Variants in MINK1 observed in about 807,000 individuals in gnomAD.
The protein encoded by MINK1 is misshapen like kinase 1.
Under a neutral mutation model 178.4 loss-of-function variants are expected in MINK1, and 46 were observed. The ratio of observed to expected loss-of-function variants is 0.26; its 90% confidence interval spans 0.20 to 0.33. The LOEUF is 0.33. MINK1 is among the 10% of genes least tolerant of loss of function. MINK1 has a pLI of 1.00. For missense variants in MINK1, 1,366 were observed against 1,814.9 expected, an observed-to-expected ratio of 0.75 and a Z score of 4.49; for synonymous variants, 797 against 709.7, an observed-to-expected ratio of 1.12 and a Z score of -1.96.
At chr17:4,888,690 C>CTTT (rs35392409) in intron 12 of MINK1, among the ~76,000 whole-genome samples, 6 of 87,882 alleles carry the variant, frequency 6.8e-5, no homozygotes, top group Non-Finnish European at 1.1e-4. Context: ...AAAGTCCTAT[C>CTTT]TTTTTTTTTT....
chr17:4,858,296 G>C (rs148010056), intron 1 of MINK1, among the ~76,000 whole-genome samples: 1,572 of 152,048 alleles, frequency 0.01, 24 homozygotes, highest in African/African-American at 0.036. Flanking sequence ...TCATCTGGGA[G>C]GGGGGAGGGC....
intron 1 of MINK1, chr17:4,854,708 C>T (rs972422166): frequency 6.4e-6 from 3 of 471,842 alleles, no homozygotes; most frequent in African/African-American, 5.9e-5. Context: ...GCCTGATTTC[C>T]TCCCCTCCAG....
In MINK1 at chr17:4,897,937, C is replaced by G. The variant is rs1009860660; in HGVS notation, c.*650C>G. ...CAGGGAGCCCTCACTCTCCACGCCC[C>G]TTGCTTGCATCTGTATATAGTGTGA... is the stretch of plus-strand genomic sequence containing the variant. On this transcript the variant is annotated 3_prime_UTR_variant, in exon 32 of 32. Transcript: ENST00000355280. 1 of 152,260 alleles carries G rather than the reference C, an allele frequency of 6.6e-6. No homozygotes were observed. Among genetic ancestry groups the G allele is most frequent in the Admixed American group, 6.6e-5 (1 of 15,260 alleles). 9.4% of individuals were successfully genotyped at this position (152,260 alleles called of 1,614,324 possible).
Position 4,884,386 on chromosome 17 carries a change from T to C in MINK1, c.330T>C (p.Ala110=), listed in dbSNP as rs780147670. ...AGCTGGTGATGGAGTTCTGTGGTGC[T>C]GGTTCAGTGACTGACCTGGTAAAGA... ...QLWLVMEFCG[A]GSVTDLVKNT... Residue 110 remains alanine (A), a synonymous_variant, in exon 5 of 32, where the codon GCT becomes GCC. Coordinates refer to ENST00000355280, the MANE Select transcript of MINK1 (RefSeq NM_153827.5). 3 of 1,613,970 alleles carry C rather than the reference T, an allele frequency of 1.9e-6. No homozygotes were observed. The highest frequency in any genetic ancestry group is 2.5e-6 in the Non-Finnish European group (3 of 1,179,850).
chr17:4,880,373 C>T (rs1475920511), intron 2 of MINK1, among the ~76,000 whole-genome samples: 1 of 149,680 alleles, frequency 6.7e-6, no homozygotes, highest in Non-Finnish European at 1.5e-5. Flanking sequence ...TCTCGGCTTG[C>T]CTCCCAGGTT....
intron 1 of MINK1, among the ~76,000 whole-genome samples, chr17:4,868,202 C>T (rs1402187697): frequency 6.6e-6 from 1 of 152,176 alleles, no homozygotes; most frequent in Non-Finnish European, 1.5e-5. Context: ...GTCTCAAACT[C>T]CTGACCTCAG....
Position 4,892,294 on chromosome 17 carries a change from G to A in MINK1, c.2087+60G>A, listed in dbSNP as rs1283351691. The A allele has an allele frequency of 1.2e-5, 18 of 1,509,612 alleles. No homozygotes were observed. In the South Asian group the frequency reaches 1.8e-4, roughly 15 times the overall value. The allele number at this position is 1,509,612 out of a possible 1,614,324, so 93.5% of individuals were successfully genotyped here. ...CTGAGGGCAGCCTAGGGAGTAGGGG[G>A]GGCACAGGGACTTTACCAGCCTACC... On this transcript the variant is annotated intron_variant, in intron 17 of 31. Coordinates refer to ENST00000355280, the MANE Select transcript of MINK1 (RefSeq NM_153827.5).
At chr17:4,855,784 AAAAG>A (rs937203063) in intron 1 of MINK1, among the ~76,000 whole-genome samples, 14 of 150,504 alleles carry the variant, frequency 9.3e-5, no homozygotes, top group Admixed American at 2.7e-4. Context: ...AAAAAAAAAA[AAAAG>A]AAAGAAACCC....
rs1968311412 is a variant in MINK1 at position 4,887,361 on chromosome 17, G to C, written c.1019+182G>C. Among the ~76,000 whole-genome samples, 1 of 152,156 alleles carries C rather than the reference G, an allele frequency of 6.6e-6. No homozygotes were observed. Among genetic ancestry groups the C allele is most frequent in the Admixed American group, 6.6e-5 (1 of 15,266 alleles). On this transcript the variant is annotated intron_variant, in intron 11 of 31. Coordinates refer to ENST00000355280, the MANE Select transcript of MINK1 (RefSeq NM_153827.5). This position sits in a 1 kb window ranked among gnomAD's most constrained non-coding sequence, Gnocchi z 7.6. ...AATGACTGAGCAAGAGCTGGGGAGA[G>C]AGCAATTTGTGGTGAATGTGGGGCG...
Position 4,889,546 on chromosome 17 carries a change from C to G in MINK1, c.1231-101C>G, listed in dbSNP as rs73341692. The stretch of plus-strand genomic sequence containing the variant: ...AGCGGAAGCCGGTCTCTCTTACCAC[C>G]CTCCGTGGTGAGCAAGGAGGGCTCC... On this transcript the variant is annotated intron_variant, in intron 12 of 31. Transcript: ENST00000355280. 1.7e-3 allele frequency: 1,705 copies of G among 1,021,938 alleles called. 23 individuals are homozygous for G. The African/African-American group carries it at 0.024, about 15-fold the overall frequency. 63.3% of individuals were successfully genotyped at this position (1,021,938 alleles called of 1,614,324 possible). A position where few individuals can be genotyped will look rare whatever the true frequency, so the allele number is the denominator to read the frequency against.
At chr17:4,873,179 A>G (rs923951501) in intron 1 of MINK1, among the ~76,000 whole-genome samples, 3 of 152,208 alleles carry the variant, frequency 2.0e-5, no homozygotes, top group African/African-American at 7.2e-5. Context: ...GCCCTTGGCC[A>G]TCCACATTCT....
chr17:4,841,696 A>G lies in MINK1; in HGVS notation c.57+8056A>G, dbSNP rs189589785. On this transcript the variant is annotated intron_variant, in intron 1 of 31. Coordinates refer to ENST00000355280, the MANE Select transcript of MINK1 (RefSeq NM_153827.5). ...ATCCATATTTCCTCTTGATCCCTGT[A>G]AAGATGCTGAGCACACAGTAGGGGT... 2.6e-5 allele frequency among the ~76,000 whole-genome samples: 4 copies of G among 152,226 alleles called. No individual in the cohort carries two copies. The East Asian group carries it at 5.8e-4, about 22-fold the overall frequency.
At chr17:4,889,836 C>T (rs1968600308) in intron 13 of MINK1, 73 bp downstream of exon 13, 4 of 1,017,392 alleles carry the variant, frequency 3.9e-6, no homozygotes, top group Non-Finnish European at 5.5e-6. Context: ...GCTCCCCGTG[C>T]CCTTCCCCCT....
At chr17:4,881,719 C>T (rs1967716423) in intron 4 of MINK1, among the ~76,000 whole-genome samples, 2 of 152,252 alleles carry the variant, frequency 1.3e-5, no homozygotes, top group Non-Finnish European at 2.9e-5. Flanking sequence ...GCACCCAGCC[C>T]TTCTGGGTCA....
intron 1 of MINK1, among the ~76,000 whole-genome samples, chr17:4,853,365 G>T (rs1300243830): frequency 1.1e-5 from 1 of 94,066 alleles, no homozygotes; most frequent in Non-Finnish European, 2.2e-5. Context: ...AGTGTGGTTG[G>T]GGGGAGTGTG....
intron 1 of MINK1, among the ~76,000 whole-genome samples, chr17:4,841,129 C>T (rs1910155199): frequency 6.6e-6 from 1 of 152,116 alleles, no homozygotes; most frequent in African/African-American, 2.4e-5. Context: ...GTGGTCACAA[C>T]TGGGGGCCCC....
chr17:4,850,520 C>CG (rs917680129), intron 1 of MINK1, among the ~76,000 whole-genome samples: 18 of 20,054 alleles, frequency 9.0e-4, no homozygotes, highest in Non-Finnish European at 3.6e-3. Context: ...TTCCTGCTGG[C>CG]CCCCCCCGCC....
At chr17:4,884,763 G>A in intron 5 of MINK1, 149 bp from the exon 6 acceptor site, 6 of 707,052 alleles carry the variant, frequency 8.5e-6, no homozygotes, top group Non-Finnish European at 1.5e-5. Context: ...GGACAGCTCA[G>A]CTTGCTTGGG....
In MINK1 at chr17:4,895,655, A is replaced by C; in HGVS notation, c.3230-43A>C. 6.2e-7 allele frequency: 1 copy of C among 1,603,928 alleles called. No individual in the cohort carries two copies. Among genetic ancestry groups the C allele is most frequent in the Non-Finnish European group, 8.5e-7 (1 of 1,173,660 alleles). ...GCCAGGGCGGTGGCATTCGGGCCTC[A>C]GATGAGAATGGGGGCGGGTGTGTAT... On this transcript the variant is annotated intron_variant, in intron 26 of 31. Transcript: ENST00000355280. This position sits in a 1 kb window ranked among gnomAD's most constrained non-coding sequence, Gnocchi z 4.3.
Sources: allele counts gnomAD v4.1 joint callset (sites outside exome capture counted in the v4.1 genomes callset), GRCh38; gene constraint gnomAD v4.1.1; non-coding constraint Gnocchi (gnomAD v3.1); transcripts MANE v1.5; gene names NCBI Gene and HGNC (gene_info 2026-07-23, HGNC 2026-07-21).